Variants in GRHL3 observed in about 807,000 individuals in gnomAD.
GRHL3 encodes the protein grainyhead-like protein 3 homolog.
A neutral mutation model predicts 70.3 loss-of-function variants in GRHL3; 20 were observed. That is an observed-to-expected ratio of 0.28 (90% CI 0.20 to 0.41). The LOEUF (loss-of-function observed/expected upper bound fraction) is 0.41. Ranked by LOEUF, GRHL3 falls within the 10% of genes least tolerant of loss-of-function variation. GRHL3 has a pLI of 1.00. For missense variants in GRHL3, 637 were observed against 762.3 expected (o/e 0.84, Z 1.94); for synonymous variants, 299 against 299.9 (o/e 1.00, Z 0.03).
chr1:24,350,434 G>T (rs1014313402), intron 15 of GRHL3, among the ~76,000 whole-genome samples: 3 of 152,202 alleles, frequency 2.0e-5, no homozygotes, highest in South Asian at 4.1e-4. Flanking sequence ...TGATTATAAA[G>T]ATAATGATTA....
rs1002725908 is a variant in GRHL3, at chr1:24,322,703, C to T, written c.17+3135C>T. Among the ~76,000 whole-genome samples the T allele has an allele frequency of 2.0e-5, 3 of 152,228 alleles. No homozygotes were observed. Among genetic ancestry groups the T allele is most frequent in the African/African-American group, 7.2e-5 (3 of 41,466 alleles). ...GCGGTCGGCAGAGCTCCCACTGACC[C>T]ACCGGAGGAGTGAAGAGGGAAAACG... is the stretch of plus-strand genomic sequence containing the variant. On this transcript the variant is annotated intron_variant, in intron 1 of 15. Transcript: ENST00000361548. This position sits in a 1 kb window ranked among gnomAD's most constrained non-coding sequence, Gnocchi z 4.4.
At chr1:24,323,417 A>G (rs1235510097) in intron 1 of GRHL3, among the ~76,000 whole-genome samples, 2 of 152,154 alleles carry the variant, frequency 1.3e-5, no homozygotes, top group African/African-American at 4.8e-5. Context: ...CTGTTGGCCT[A>G]GAAGACCAGG....
intron 1 of GRHL3, among the ~76,000 whole-genome samples, chr1:24,325,383 G>A (rs567641401): frequency 3.0e-4 from 46 of 152,298 alleles, no homozygotes; most frequent in South Asian, 6.2e-4. Context: ...TATGCTGCAT[G>A]TCCTTAGGCA....
chr1:24,331,590 G>A lies in GRHL3; in HGVS notation c.182G>A (p.Ser61Asn). Residue 61 changes from serine (S) to asparagine (N), a missense_variant, in exon 2 of 16, where the codon AGC (serine) becomes AAC (asparagine). Around this residue, in one of 2 missense-constraint regions of GRHL3, gnomAD observed 250 missense variants for 248.6 expected, o/e 1.01. Transcript: ENST00000361548. ...NGDDDSVAAL[S>N]FLYDYYMGPK... ...GATGATGACAGTGTTGCGGCCTTGA[G>A]CTTCCTCTATGATTACTACATGGTA... 6.2e-7 allele frequency: 1 copy of A among 1,613,804 alleles called. No individual in the cohort carries two copies. The highest frequency in any genetic ancestry group is 8.5e-7 in the Non-Finnish European group (1 of 1,179,846).
In GRHL3 at chr1:24,336,578, A is replaced by C; in HGVS notation, c.363A>C (p.Pro121=). ...TGACAGAGAACGTGTCTGGAACCCC[A>C]GAGTACCCAGATTTGCTCAAGAAGA... is the stretch of plus-strand genomic sequence containing the variant. ...KFLTENVSGT[P]EYPDLLKKNN... Residue 121 remains proline, a synonymous_variant, in exon 4 of 16, where the codon CCA becomes CCC. Coordinates refer to ENST00000361548, the MANE Select transcript of GRHL3 (RefSeq NM_198173.3). The C allele has an allele frequency of 4.3e-6, 7 of 1,613,982 alleles. No individual in the cohort carries two copies. Among genetic ancestry groups the C allele is most frequent in the Non-Finnish European group, 5.9e-6 (7 of 1,179,928 alleles).
intron 1 of GRHL3, among the ~76,000 whole-genome samples, chr1:24,324,590 A>G (rs1444717945): frequency 6.6e-6 from 1 of 152,248 alleles, no homozygotes; most frequent in Non-Finnish European, 1.5e-5. Flanking sequence ...GTTGTAAAAA[A>G]CAAAGACAAT....
In GRHL3 at chr1:24,334,514, T is replaced by G; in HGVS notation, c.205-131T>G. ...ATGGGAACTACGATTCAAGATGAGA[T>G]TTGGGTGGGGACACAGCCGAACCAT... On this transcript the variant is annotated intron_variant, in intron 2 of 15. Transcript: ENST00000361548. The surrounding 1 kb of genome is among the most constrained non-coding windows in gnomAD (Gnocchi z 4.3). 3.1e-6 allele frequency: 2 copies of G among 651,206 alleles called. No individual in the cohort carries two copies. The highest frequency in any genetic ancestry group is 2.4e-5 in the Admixed American group (1 of 41,484). 40.3% of individuals were successfully genotyped at this position (651,206 alleles called of 1,614,324 possible). A position where few individuals can be genotyped will look rare whatever the true frequency, so the allele number is the denominator to read the frequency against.
intron 1 of GRHL3, among the ~76,000 whole-genome samples, chr1:24,328,032 A>C (rs1639459531): frequency 6.6e-6 from 1 of 152,198 alleles, no homozygotes; most frequent in African/African-American, 2.4e-5. Flanking sequence ...CCAGCCCCTG[A>C]CCAGAAACTC....
At position 24,336,767 on chromosome 1, in the gene GRHL3, TGG is replaced by T; in HGVS notation, c.555_556del (p.Val186AlafsTer15). ...TCAACTCCTTGTTTGAGAGCATTCA[TGG>T]GGTGCCGCCCACACAGCGCTGGCAG... ...SLNSLFESIH[G>X]VPPTQRWQPD... is the part of the protein sequence containing the mutation. On this transcript the variant is annotated frameshift_variant, in exon 4 of 16. Transcript: ENST00000361548. LOFTEE classifies it high-confidence loss of function. 6.2e-7 allele frequency: 1 copy of T among 1,613,760 alleles called. No individual in the cohort carries two copies. The highest frequency in any genetic ancestry group is 8.5e-7 in the Non-Finnish European group (1 of 1,179,858).
At chr1:24,341,358 C>T (rs751875108) in intron 8 of GRHL3, among the ~76,000 whole-genome samples, 10 of 152,188 alleles carry the variant, frequency 6.6e-5, no homozygotes, top group Non-Finnish European at 1.5e-4. Context: ...AACCGAGGCT[C>T]AGTGAGGTGA....
chr1:24,343,166 A>G (rs1640117320), intron 11 of GRHL3, 141 bp downstream of exon 11: 2 of 848,194 alleles, frequency 2.4e-6, no homozygotes, highest in East Asian at 2.5e-5. Context: ...AGGGGTTTAA[A>G]CATGTATATA....
chr1:24,338,117 C>G lies in GRHL3; in HGVS notation c.952+14C>G. 6.4e-7 allele frequency: 1 copy of G among 1,554,040 alleles called. No homozygotes were observed. The highest frequency in any genetic ancestry group is 1.7e-4 in the Middle Eastern group (1 of 5,880). ...TCATTGACGTGGGTGAGAGCCTTCT[C>G]AAGCCTCCATTCCAGCTCCCCTCTC... On this transcript the variant is annotated intron_variant, in intron 7 of 15. Coordinates refer to ENST00000361548, the MANE Select transcript of GRHL3 (RefSeq NM_198173.3).
rs1052700788 is a variant in GRHL3, at chr1:24,342,376, T to C, written c.1206+103T>C. ...CTTCTCTGGGTTGTCTGTCTCTCTC[T>C]GTTTTTCTATCCCTTCTCCTCCTTC... On this transcript the variant is annotated intron_variant, in intron 9 of 15. Transcript: ENST00000361548. This position sits in a 1 kb window ranked among gnomAD's most constrained non-coding sequence, Gnocchi z 4.8. 4 of 984,254 alleles carry C rather than the reference T, an allele frequency of 4.1e-6. No individual in the cohort carries two copies. The highest frequency in any genetic ancestry group is 4.9e-5 in the Admixed American group (2 of 40,992). 61.0% of individuals were successfully genotyped at this position (984,254 alleles called of 1,614,324 possible).
chr1:24,337,106 C>A lies in GRHL3; in HGVS notation c.641C>A (p.Thr214Asn). The A allele has an allele frequency of 1.2e-6, 2 of 1,614,078 alleles. No homozygotes were observed. The highest frequency in any genetic ancestry group is 1.7e-6 in the Non-Finnish European group (2 of 1,179,978). ...ATGCTCTTCCCAGATATCCTGAAAA[C>A]CTCCCCGGAACCCCCATGTCCAGAG... is the stretch of plus-strand genomic sequence containing the variant. ...ESMLFPDILKTSPEPPCPEDY... is the reference protein window; with the variant it reads ...ESMLFPDILKNSPEPPCPEDY... The change falls in exon 5 of 16, where the codon ACC becomes AAC. Residue 214 changes from threonine to asparagine, a missense_variant. Physicochemically the swap from Thr to Asn is moderately conservative, Grantham distance 65. Transcript: ENST00000361548.
intron 1 of GRHL3, among the ~76,000 whole-genome samples, chr1:24,329,050 G>C (rs1453988771): frequency 6.6e-6 from 1 of 152,170 alleles, no homozygotes; most frequent in Non-Finnish European, 1.5e-5. Context: ...GCAATGAGGA[G>C]GGGCCTCTTC....
At chr1:24,331,049 A>G (rs905928007) in intron 1 of GRHL3, among the ~76,000 whole-genome samples, 4 of 152,220 alleles carry the variant, frequency 2.6e-5, no homozygotes, top group African/African-American at 9.6e-5. Context: ...TTATCTGGAA[A>G]TTTTATTCGT....
chr1:24,324,898 C>T (rs1208350950), intron 1 of GRHL3, among the ~76,000 whole-genome samples: 1 of 152,128 alleles, frequency 6.6e-6, no homozygotes, highest in South Asian at 2.1e-4. Context: ...ATTGAGGCCC[C>T]CAAATGAGCC....
chr1:24,332,612 C>T (rs1277815336), intron 2 of GRHL3, among the ~76,000 whole-genome samples: 1 of 152,220 alleles, frequency 6.6e-6, no homozygotes, highest in East Asian at 1.9e-4. Context: ...AGCAAACTGA[C>T]TTGCTGTCCC....
chr1:24,331,486 T>G lies in GRHL3; in HGVS notation c.78T>G (p.Thr26=). ...DPVNLQKFSY[T]SEDEAWKTYL... The stretch of plus-strand genomic sequence containing the variant: ...TCAACTTGCAGAAATTCTCTTACAC[T>G]AGTGAGGATGAGGCCTGGAAGACGT... The change falls in exon 2 of 16, where the codon ACT becomes ACG. Residue 26 remains threonine, a synonymous_variant. Transcript: ENST00000361548. The G allele has an allele frequency of 4.3e-6, 7 of 1,614,034 alleles. No individual in the cohort carries two copies. Among genetic ancestry groups the G allele is most frequent in the Non-Finnish European group, 5.1e-6 (6 of 1,179,946 alleles).
Sources: gnomAD v4.1 joint callset for allele counts (sites outside exome capture counted in the v4.1 genomes callset) on GRCh38, gnomAD v4.1.1 for gene constraint, gnomAD v4.1.1 regional missense constraint, Gnocchi (gnomAD v3.1) non-coding constraint, MANE v1.5 for transcripts, NCBI Gene and HGNC (gene_info 2026-07-23, HGNC 2026-07-21) for gene names.